Variants in PRKAG1 observed in about 807,000 individuals in gnomAD.
PRKAG1 encodes 5'-AMP-activated protein kinase subunit gamma-1.
In PRKAG1, 27 loss-of-function variants were observed where a neutral mutation model predicts 48.2. The ratio of observed to expected loss-of-function variants is 0.56; its 90% CI spans 0.41 to 0.77. The LOEUF (loss-of-function observed/expected upper bound fraction) is 0.77. Ranked by LOEUF, PRKAG1 falls within the 30% of genes least tolerant of loss-of-function variation. The pLI, the probability that PRKAG1 is intolerant of heterozygous loss-of-function variation, is 0.00. For missense variants in PRKAG1, 287 were observed against 398.3 expected (o/e 0.72, Z 2.38); for synonymous variants, 130 against 147.7 (o/e 0.88, Z 0.87).
At chr12:49,011,485 T>C (rs899239866) in intron 2 of PRKAG1, among the ~76,000 whole-genome samples, 8 of 151,844 alleles carry the variant, frequency 5.3e-5, no homozygotes, top group African/African-American at 1.5e-4. Flanking sequence ...AGTGCTGGTG[T>C]TACACTGTGC....
intron 1 of PRKAG1, chr12:49,017,073 T>C (rs1942004221): frequency 2.2e-6 from 1 of 447,538 alleles, no homozygotes; most frequent in Non-Finnish European, 4.5e-6. Context: ...TCAGCTATTC[T>C]GTCACAGTCC....
At chr12:49,014,093 A>T (rs927838641) in intron 1 of PRKAG1, among the ~76,000 whole-genome samples, 5 of 152,166 alleles carry the variant, frequency 3.3e-5, no homozygotes, top group African/African-American at 1.2e-4. Context: ...CATGTTGGCC[A>T]GGCTGGTCTC....
At chr12:49,006,049 CCT>C (rs368295577) in intron 2 of PRKAG1, among the ~76,000 whole-genome samples, 197 bp from the exon 3 acceptor site, 6 of 152,258 alleles carry the variant, frequency 3.9e-5, no homozygotes, top group African/African-American at 7.2e-5. Context: ...TCATCCAACC[CCT>C]GTCTCCAGGT....
chr12:49,015,756 T>G (rs1280023192), intron 1 of PRKAG1, among the ~76,000 whole-genome samples: 1 of 152,088 alleles, frequency 6.6e-6, no homozygotes, highest in Admixed American at 6.6e-5. Context: ...TTTTGTATTT[T>G]TAGTAGAGAC....
At chr12:49,018,362 C>T in intron 1 of PRKAG1, 2 of 916,908 alleles carry the variant, frequency 2.2e-6, no homozygotes, top group Non-Finnish European at 2.8e-6. Context: ...CTGGACGCCC[C>T]GTGCCTCACC....
At chr12:49,015,741 T>G (rs530377330) in intron 1 of PRKAG1, among the ~76,000 whole-genome samples, 5 of 151,280 alleles carry the variant, frequency 3.3e-5, no homozygotes, top group African/African-American at 1.2e-4. Context: ...CCCAGCTAAG[T>G]TTTTTTTTGT....
rs563251592 is a variant in PRKAG1, at chr12:49,002,700, T to C, written c.*199A>G. 1.9e-5 allele frequency: 13 copies of C among 684,178 alleles called. No individual in the cohort carries two copies. Among genetic ancestry groups the C allele is most frequent in the South Asian group, 1.9e-4 (12 of 64,548 alleles). The allele number at this position is 684,178 out of a possible 1,614,324, so 42.4% of individuals were successfully genotyped here. A position where few individuals can be genotyped will look rare whatever the true frequency, so the allele number is the denominator to read the frequency against. On this transcript the variant is annotated 3_prime_UTR_variant, in exon 12 of 12. Transcript: ENST00000548065. ...GCTAGGCTGAAAGTTTTTTCAAGTG[T>C]ATGTGTGAGGGTAAGGGTAGCTATA...
At chr12:49,017,237 G>A (rs1403947658) in intron 1 of PRKAG1, 1 of 455,448 alleles carries the variant, frequency 2.2e-6, no homozygotes, top group Non-Finnish European at 4.4e-6. Flanking sequence ...ATCTCACTGT[G>A]TCACTCAGAC....
intron 2 of PRKAG1, among the ~76,000 whole-genome samples, chr12:49,011,522 G>C (rs1170541411): frequency 6.6e-6 from 1 of 150,922 alleles, no homozygotes; most frequent in South Asian, 2.1e-4. Context: ...GGCAAAAATA[G>C]GTCTTAGTTG....
At chr12:49,017,344 G>GCA in intron 1 of PRKAG1, 1 of 361,760 alleles carries the variant, frequency 2.8e-6, no homozygotes, top group Non-Finnish European at 5.3e-6. Context: ...GGGACTACAG[G>GCA]CACACACCAC....
rs1942122199 is a variant in PRKAG1, at chr12:49,018,735, C to T, written c.6G>A (p.Glu2=). The T allele has an allele frequency of 1.9e-6, 3 of 1,613,268 alleles. No homozygotes were observed. The highest frequency in any genetic ancestry group is 8.5e-7 in the Non-Finnish European group (1 of 1,180,014). Residue 2 remains glutamate, a synonymous_variant, in exon 1 of 12, where the codon GAG becomes GAA. Transcript: ENST00000548065. M[E]TVISSDSSPA... ...ACCGCCCTCCTGCACTCCTCACCGT[C>T]TCCATTGCAAGAGGCGCCCGGCTTG... is the stretch of plus-strand genomic sequence containing the variant.
chr12:49,015,939 C>T (rs1402127292), intron 1 of PRKAG1, among the ~76,000 whole-genome samples: 1 of 142,866 alleles, frequency 7.0e-6, no homozygotes, highest in Non-Finnish European at 1.5e-5. Flanking sequence ...TACATCTACT[C>T]CTTTCTACCT....
At chr12:49,009,724 T>A (rs1290163904) in intron 2 of PRKAG1, among the ~76,000 whole-genome samples, 1 of 152,110 alleles carries the variant, frequency 6.6e-6, no homozygotes, top group Non-Finnish European at 1.5e-5. Context: ...GCGATTCTCC[T>A]GTCTCAGCCT....
At chr12:49,015,512 CAT>C (rs530095760) in intron 1 of PRKAG1, among the ~76,000 whole-genome samples, 234 of 152,230 alleles carry the variant, frequency 1.5e-3, no homozygotes, top group Non-Finnish European at 2.6e-3. Context: ...AGGAAAGAAA[CAT>C]AGAGCTAACT....
At chr12:49,008,076 C>A (rs1422938765) in intron 2 of PRKAG1, among the ~76,000 whole-genome samples, 1 of 152,092 alleles carries the variant, frequency 6.6e-6, no homozygotes. Flanking sequence ...CCAGGCTGAT[C>A]TCGAACTCCT....
chr12:49,006,377 A>T (rs1325464387), intron 2 of PRKAG1, among the ~76,000 whole-genome samples: 1 of 151,532 alleles, frequency 6.6e-6, no homozygotes, highest in African/African-American at 2.4e-5. Flanking sequence ...GTCTCAATTA[A>T]AAAAAAAATT....
rs1482234694 is a variant in PRKAG1 at position 49,005,692 on chromosome 12, G to A, written c.168+51C>T. 6.2e-7 allele frequency: 1 copy of A among 1,607,126 alleles called. No homozygotes were observed. Among genetic ancestry groups the A allele is most frequent in the Non-Finnish European group, 8.5e-7 (1 of 1,173,914 alleles). On this transcript the variant is annotated intron_variant, in intron 3 of 11. Transcript: ENST00000548065. The surrounding 1 kb of genome is among the most constrained non-coding windows in gnomAD (Gnocchi z 4.1). Reference sequence around the variant, plus strand: ...CCCTTAGGATGAGATAGGATGAGAGGTATTAAACCACAGGCTCCAAAGGGG... The same window carrying A: ...CCCTTAGGATGAGATAGGATGAGAGATATTAAACCACAGGCTCCAAAGGGG...
chr12:49,009,893 G>A (rs999814076), intron 2 of PRKAG1, among the ~76,000 whole-genome samples: 8 of 152,180 alleles, frequency 5.3e-5, no homozygotes, highest in Non-Finnish European at 1.0e-4. Context: ...GATTACAGGC[G>A]TGAGCCACCG....
chr12:49,013,177 G>A, intron 1 of PRKAG1, 67 bp from the exon 2 acceptor site: 1 of 1,367,022 alleles, frequency 7.3e-7, no homozygotes, highest in South Asian at 1.2e-5. Context: ...CAACATTAGG[G>A]GAAGGGCTGG....
Sources: gnomAD v4.1 joint callset for allele counts (sites outside exome capture counted in the v4.1 genomes callset) on GRCh38, gnomAD v4.1.1 for gene constraint, Gnocchi (gnomAD v3.1) non-coding constraint, MANE v1.5 for transcripts, NCBI Gene and HGNC (gene_info 2026-07-23, HGNC 2026-07-21) for gene names.